Variants in ATAD3B observed in about 807,000 individuals in gnomAD.
ATAD3B encodes ATPase family AAA domain-containing protein 3B.
Under a neutral mutation model 70.2 loss-of-function variants are expected in ATAD3B, and 59 were observed. That is an observed-to-expected ratio of 0.84 (90% confidence interval 0.68 to 1.04). The LOEUF (loss-of-function observed/expected upper bound fraction) is 1.04. ATAD3B is among the 50% of genes least tolerant of loss of function. The pLI is 0.00. For missense variants in ATAD3B, 961 were observed against 913.4 expected (o/e 1.05, Z -0.67); for synonymous variants, 423 against 388.6 (o/e 1.09, Z -1.04).
In ATAD3B at chr1:1,487,971, G is replaced by A. The variant is rs536134196; in HGVS notation, c.1266+57G>A. 4.4e-6 allele frequency: 7 copies of A among 1,601,376 alleles called. No homozygotes were observed. The East Asian group carries it at 1.3e-4, about 31-fold the overall frequency. Reference sequence around the variant, plus strand: ...GGAGGGTGGTCGGGTGGGCGCGGCTGTCATCCTGGGCCAGGCTGCAGCCCT... The same window carrying A: ...GGAGGGTGGTCGGGTGGGCGCGGCTATCATCCTGGGCCAGGCTGCAGCCCT... On this transcript the variant is annotated intron_variant, in intron 12 of 15. Coordinates refer to ENST00000673477, the MANE Select transcript of ATAD3B (RefSeq NM_031921.6).
chr1:1,508,633 G>T, the ATAD3B span, among the ~76,000 whole-genome samples: 1 of 151,446 alleles, frequency 6.6e-6, no homozygotes, highest in South Asian at 2.1e-4. Flanking sequence ...TGGCAGAAAG[G>T]CTGGACCTGA....
In ATAD3B at chr1:1,490,311, C is replaced by T. The variant is rs1640466774; in HGVS notation, c.1392C>T (p.Asn464=). 2 of 1,613,124 alleles carry T rather than the reference C, an allele frequency of 1.2e-6. No homozygotes were observed. The highest frequency in any genetic ancestry group is 1.3e-5 in the African/African-American group (1 of 74,938). ...NLPEQFDCAI[N]SRIDVMVHFD... ...CTGAGCAGTTCGACTGTGCCATCAA[C>T]AGCCGCATTGACGTGATGGTCCACT... is the stretch of plus-strand genomic sequence containing the variant. Residue 464 remains asparagine, a synonymous_variant, in exon 14 of 16, where the codon AAC becomes AAT. Transcript: ENST00000673477.
intron 4 of ATAD3B, among the ~76,000 whole-genome samples, chr1:1,479,702 TG>T (rs1349937266): frequency 1.5e-5 from 2 of 136,724 alleles, no homozygotes; most frequent in Admixed American, 7.5e-5. Flanking sequence ...CACTCCCGCA[TG>T]GGGCATGCAC....
At position 1,493,866 on chromosome 1, in the gene ATAD3B, A is replaced by T. The variant is rs528772843; in HGVS notation, c.1615-1619A>T. 4.6e-5 allele frequency among the ~76,000 whole-genome samples: 7 copies of T among 151,924 alleles called. No homozygotes were observed. The East Asian group carries it at 1.4e-3, about 29-fold the overall frequency. ...ACTTTCCCAGTGAGGCTCATCAGGG[A>T]TATTGGCCTGCCATTTCTCTTGTGG... On this transcript the variant is annotated intron_variant, in intron 15 of 15. Transcript: ENST00000673477.
chr1:1,483,003 GA>G (rs1640003863), intron 7 of ATAD3B: 1 of 460,842 alleles, frequency 2.2e-6, no homozygotes, highest in Non-Finnish European at 4.3e-6. Flanking sequence ...CTTGTCTCAA[GA>G]AAAAAATGGC....
chr1:1,503,683 G>A, the ATAD3B span: 3 of 1,610,218 alleles, frequency 1.9e-6, no homozygotes, highest in South Asian at 3.3e-5. Flanking sequence ...CGGTGTGGGT[G>A]GGGAGGCCGG....
chr1:1,505,947 T>C, the ATAD3B span, among the ~76,000 whole-genome samples: 3 of 152,176 alleles, frequency 2.0e-5, no homozygotes, highest in Non-Finnish European at 4.4e-5. Flanking sequence ...CTGGTTGGCT[T>C]GCCACCCACA....
chr1:1,490,816 C>T, intron 15 of ATAD3B, 145 bp downstream of exon 15: 1 of 1,464,546 alleles, frequency 6.8e-7, no homozygotes, highest in Non-Finnish European at 9.1e-7. Flanking sequence ...ACAGGGCCCC[C>T]TGCCTCAGTC....
chr1:1,487,721 T>G, intron 11 of ATAD3B, 142 bp from the exon 12 acceptor site: 1 of 1,064,560 alleles, frequency 9.4e-7, no homozygotes, highest in Non-Finnish European at 1.4e-6. Flanking sequence ...TTCTGTCGAG[T>G]CCAGGACTTA....
chr1:1,497,302 C>T lies in ATAD3B; in HGVS notation c.*1485C>T, dbSNP rs1640824899. 6.7e-6 allele frequency: 1 copy of T among 148,590 alleles called. No individual in the cohort carries two copies. Among genetic ancestry groups the T allele is most frequent in the African/African-American group, 2.5e-5 (1 of 39,944 alleles). 9.2% of individuals were successfully genotyped at this position (148,590 alleles called of 1,614,324 possible). On this transcript the variant is annotated 3_prime_UTR_variant, in exon 16 of 16. Coordinates refer to ENST00000673477, the MANE Select transcript of ATAD3B (RefSeq NM_031921.6). Reference sequence around the variant, plus strand: ...ATAGCTCACTGCAGCCTCGACCTCCCAGGCTCAAGTGATCCTCCTGCCTCA... The same window carrying T: ...ATAGCTCACTGCAGCCTCGACCTCCTAGGCTCAAGTGATCCTCCTGCCTCA...
chr1:1,489,056 C>A, intron 12 of ATAD3B, 148 bp from the exon 13 acceptor site: 1 of 1,415,246 alleles, frequency 7.1e-7, no homozygotes, highest in Non-Finnish European at 9.6e-7. Flanking sequence ...GCCACCGCCC[C>A]TGGCCCTGGT....
intron 13 of ATAD3B, 97 bp downstream of exon 13, chr1:1,489,371 C>T: frequency 1.9e-6 from 3 of 1,581,054 alleles, no homozygotes; most frequent in Non-Finnish European, 1.7e-6. Flanking sequence ...TGCTGGGCAC[C>T]AGCTGTGGCC....
rs1255439113 is a variant in ATAD3B at position 1,487,785 on chromosome 1, C to G, written c.1215-78C>G. 3 of 1,558,092 alleles carry G rather than the reference C, an allele frequency of 1.9e-6. No homozygotes were observed. The African/African-American group carries it at 4.1e-5, about 21-fold the overall frequency. On this transcript the variant is annotated intron_variant, in intron 11 of 15. Transcript: ENST00000673477. ...CGTGGGGATCTGCCTGCCTGGCCTG[C>G]TCCTGCCGCGGCCGGACGCTGCTGT... is the stretch of plus-strand genomic sequence containing the variant.
rs112925538 is a variant in ATAD3B at position 1,491,160 on chromosome 1, G to A, written c.1614+489G>A. 8.6e-5 allele frequency among the ~76,000 whole-genome samples: 13 copies of A among 152,020 alleles called. 1 individual carries two copies. The highest frequency in any genetic ancestry group is 2.6e-4 in the Admixed American group (4 of 15,242). ...ATTGTCCCACAGTTAGTTGTTCCTC[G>A]GAGGCACCCCTCCTGCTGCTCCTTG... is the stretch of plus-strand genomic sequence containing the variant. On this transcript the variant is annotated intron_variant, in intron 15 of 15. Coordinates refer to ENST00000673477, the MANE Select transcript of ATAD3B (RefSeq NM_031921.6).
chr1:1,495,988 G>T lies in ATAD3B; in HGVS notation c.*171G>T. 1 of 1,365,760 alleles carries T rather than the reference G, an allele frequency of 7.3e-7. No homozygotes were observed. Among genetic ancestry groups the T allele is most frequent in the Non-Finnish European group, 9.4e-7 (1 of 1,061,358 alleles). 84.6% of individuals were successfully genotyped at this position (1,365,760 alleles called of 1,614,324 possible). A position where few individuals can be genotyped will look rare whatever the true frequency, so the allele number is the denominator to read the frequency against. On this transcript the variant is annotated 3_prime_UTR_variant, in exon 16 of 16. Transcript: ENST00000673477. ...CCCTGGGGCAGAAGGAGTGGGGCAG[G>T]CGGGGTCTTTGTTCTCGGCTCCCAC... is the stretch of plus-strand genomic sequence containing the variant.
At position 1,485,451 on chromosome 1, in the gene ATAD3B, G is replaced by A. The variant is rs572765137; in HGVS notation, c.906+280G>A. Among the ~76,000 whole-genome samples the A allele has an allele frequency of 3.3e-3, 500 of 152,160 alleles. 4 individuals carry two copies. The highest frequency in any genetic ancestry group is 0.011 in the African/African-American group (462 of 41,516). On this transcript the variant is annotated intron_variant, in intron 8 of 15. Coordinates refer to ENST00000673477, the MANE Select transcript of ATAD3B (RefSeq NM_031921.6). ...TGCAAGACCCGGGACTTGGGTGTGC[G>A]GCCGTCTGTCGGGGAAGCTGCTACA... is the stretch of plus-strand genomic sequence containing the variant.
intron 1 of ATAD3B, among the ~76,000 whole-genome samples, chr1:1,476,613 A>G (rs1473922544): frequency 2.6e-5 from 4 of 151,114 alleles, no homozygotes; most frequent in Non-Finnish European, 4.4e-5. Context: ...GGTTCACGCC[A>G]TTCTCCTGCC....
At chr1:1,506,085 C>A in the ATAD3B span, among the ~76,000 whole-genome samples, 1 of 151,952 alleles carries the variant, frequency 6.6e-6, no homozygotes, top group Non-Finnish European at 1.5e-5. Flanking sequence ...ATACAAAAAT[C>A]AGCCAGGCAT....
At chr1:1,488,310 C>T (rs1291537191) in intron 12 of ATAD3B, among the ~76,000 whole-genome samples, 13 of 151,966 alleles carry the variant, frequency 8.6e-5, no homozygotes, top group Admixed American at 7.2e-4. Context: ...AGTGCAGGGG[C>T]GACATCTCCA....
Sources: allele counts gnomAD v4.1 joint callset (sites outside exome capture counted in the v4.1 genomes callset), GRCh38; gene constraint gnomAD v4.1.1; transcripts MANE v1.5; gene names NCBI Gene and HGNC (gene_info 2026-07-23, HGNC 2026-07-21).